Variants in CNTNAP2 observed in about 807,000 individuals in gnomAD.
CNTNAP2 encodes contactin associated protein 2, also known as contactin-associated protein-like 2.
CNTNAP2 carries 98 observed loss-of-function variants against 155.2 expected under a neutral mutation model. The observed-to-expected ratio is 0.63, with a 90% CI of 0.54 to 0.75. The LOEUF is 0.75. Ranked by LOEUF, CNTNAP2 falls within the 30% of genes least tolerant of loss-of-function variation. The probability of loss-of-function intolerance (pLI) is 0.00; values close to 1 mark genes in which losing one functional copy is unlikely to be tolerated. For missense variants in CNTNAP2, 1,727 were observed against 1,688.1 expected (o/e 1.02, Z -0.40); for synonymous variants, 651 against 631.2 (o/e 1.03, Z -0.47).
At chr7:147,486,897 G>GTGTGTGTGTGTA (rs1346209941) in intron 11 of CNTNAP2, among the ~76,000 whole-genome samples, 1 of 151,824 alleles carries the variant, frequency 6.6e-6, no homozygotes, top group Non-Finnish European at 1.5e-5. Context: ...GCCTGTGTGT[G>GTGTGTGTGTGTA]TGTGTGTGTG....
intron 1 of CNTNAP2, among the ~76,000 whole-genome samples, chr7:146,391,620 A>T (rs1795544984): frequency 6.6e-6 from 1 of 152,210 alleles, no homozygotes; most frequent in Non-Finnish European, 1.5e-5. Flanking sequence ...ATTTCTAGTC[A>T]AAGGTTCAAA....
At position 148,415,834 on chromosome 7, in the gene CNTNAP2, C is replaced by T; in HGVS notation, c.*218C>T. The T allele has an allele frequency of 3.3e-6, 2 of 606,848 alleles. No homozygotes were observed. The highest frequency in any genetic ancestry group is 5.7e-6 in the Non-Finnish European group (2 of 348,144). The allele number at this position is 606,848 out of a possible 1,614,324, so 37.6% of individuals were successfully genotyped here. On this transcript the variant is annotated 3_prime_UTR_variant, in exon 24 of 24. Coordinates refer to ENST00000361727, the MANE Select transcript of CNTNAP2 (RefSeq NM_014141.6). The stretch of plus-strand genomic sequence containing the variant: ...TATAGCTGAGTTTTCCCTTCTGTAT[C>T]AAAACAAAATAATACAAAAAATGCT...
intron 11 of CNTNAP2, among the ~76,000 whole-genome samples, chr7:147,544,269 G>T (rs1799690674): frequency 6.6e-6 from 1 of 152,086 alleles, no homozygotes. Flanking sequence ...TATAAATTAT[G>T]CAAAGAATGA....
intron 1 of CNTNAP2, among the ~76,000 whole-genome samples, chr7:146,246,534 C>A (rs1218222751): frequency 3.3e-5 from 5 of 150,066 alleles, no homozygotes; most frequent in African/African-American, 1.0e-4. Context: ...GAGTGGGTAG[C>A]CTCAGTATTG....
intron 11 of CNTNAP2, among the ~76,000 whole-genome samples, chr7:147,517,317 T>C (rs578087241): frequency 6.6e-6 from 1 of 152,306 alleles, no homozygotes; most frequent in South Asian, 2.1e-4. Flanking sequence ...GGGTCTTATA[T>C]GGCAAGTACG....
intron 12 of CNTNAP2, among the ~76,000 whole-genome samples, chr7:147,597,881 T>C (rs928510440): frequency 1.3e-5 from 2 of 152,236 alleles, no homozygotes; most frequent in Non-Finnish European, 2.9e-5. Context: ...ACCCATATCC[T>C]GCTCCAGTCA....
At chr7:148,134,376 T>C (rs1309379610) in intron 16 of CNTNAP2, among the ~76,000 whole-genome samples, 3 of 152,248 alleles carry the variant, frequency 2.0e-5, no homozygotes, top group Admixed American at 6.5e-5. Context: ...TTCCGGTTCC[T>C]GTATACATTA....
At chr7:148,351,811 GT>G (rs1035534776) in intron 21 of CNTNAP2, among the ~76,000 whole-genome samples, 17 of 148,726 alleles carry the variant, frequency 1.1e-4, no homozygotes, top group Non-Finnish European at 1.0e-4. Context: ...TTATTTTTCT[GT>G]CACTTAATAG....
chr7:146,707,046 C>T (rs768695031), intron 1 of CNTNAP2, among the ~76,000 whole-genome samples: 8 of 152,080 alleles, frequency 5.3e-5, no homozygotes, highest in Non-Finnish European at 7.4e-5. Context: ...TTAGCCACGT[C>T]GTAAAATCTG....
intron 13 of CNTNAP2, among the ~76,000 whole-genome samples, chr7:147,702,822 G>A (rs1300245634): frequency 6.6e-6 from 1 of 152,012 alleles, no homozygotes; most frequent in Non-Finnish European, 1.5e-5. Flanking sequence ...TGCTGTGATG[G>A]TCTTGAAATC....
chr7:147,438,723 C>CT lies in CNTNAP2; in HGVS notation c.1670+42950dup, dbSNP rs549236920. On this transcript the variant is annotated intron_variant, in intron 10 of 23. Transcript: ENST00000361727. ...AGCAGTGAAGCCATCAAGTCCCGGG[C>CT]TTTTTTTACTGGGAGACTTTTTATT... Among the ~76,000 whole-genome samples, 102 of 151,876 alleles carry CT rather than the reference C, an allele frequency of 6.7e-4. No individual in the cohort carries two copies. The South Asian group carries it at 0.019, about 28-fold the overall frequency.
At chr7:148,308,689 T>C (rs1434134460) in intron 21 of CNTNAP2, among the ~76,000 whole-genome samples, 1 of 152,126 alleles carries the variant, frequency 6.6e-6, no homozygotes, top group Admixed American at 6.6e-5. Flanking sequence ...ACCTGTCATC[T>C]ACATTAGGTA....
chr7:146,974,924 G>C (rs978904282), intron 3 of CNTNAP2, among the ~76,000 whole-genome samples: 3 of 152,084 alleles, frequency 2.0e-5, no homozygotes, highest in African/African-American at 7.2e-5. Flanking sequence ...GGAGGCAGAG[G>C]TTGCAGTGAG....
intron 1 of CNTNAP2, among the ~76,000 whole-genome samples, chr7:146,624,170 A>G (rs1260301099): frequency 1.3e-5 from 2 of 151,628 alleles, no homozygotes; most frequent in East Asian, 3.9e-4. Context: ...TATGTACCTT[A>G]TAGAATATGT....
intron 20 of CNTNAP2, chr7:148,263,193 T>G (rs1201737587): frequency 6.6e-6 from 1 of 152,206 alleles, no homozygotes; most frequent in Non-Finnish European, 1.5e-5. Context: ...GTTGAAGGCT[T>G]TCTGGATATC....
intron 12 of CNTNAP2, among the ~76,000 whole-genome samples, chr7:147,629,287 C>T (rs1795041436): frequency 6.6e-6 from 1 of 151,940 alleles, no homozygotes; most frequent in South Asian, 2.1e-4. Flanking sequence ...CCTGTAATCC[C>T]AGCTACCTGG....
chr7:146,974,892 G>C (rs1400538762), intron 3 of CNTNAP2, among the ~76,000 whole-genome samples: 4 of 152,042 alleles, frequency 2.6e-5, no homozygotes, highest in Non-Finnish European at 4.4e-5. Context: ...CCAGCTACCT[G>C]GATGAGAATC....
chr7:147,396,078 A>T (rs1307623211), intron 10 of CNTNAP2, among the ~76,000 whole-genome samples: 3 of 147,942 alleles, frequency 2.0e-5, no homozygotes, highest in Non-Finnish European at 3.0e-5. Flanking sequence ...ACATATATAC[A>T]TATATATGTA....
chr7:147,989,294 C>G (rs1801671922), intron 15 of CNTNAP2, among the ~76,000 whole-genome samples: 1 of 152,160 alleles, frequency 6.6e-6, no homozygotes, highest in Non-Finnish European at 1.5e-5. Flanking sequence ...GGTCCAAATC[C>G]CAACTTTCTC....
Sources: gnomAD v4.1 joint callset for allele counts (sites outside exome capture counted in the v4.1 genomes callset) on GRCh38, gnomAD v4.1.1 for gene constraint, MANE v1.5 for transcripts, NCBI Gene and HGNC (gene_info 2026-07-23, HGNC 2026-07-21) for gene names.